Variants in EPHA3 observed in about 807,000 individuals in gnomAD.
The protein encoded by EPHA3 is ephrin type-A receptor 3.
A neutral mutation model predicts 107.1 loss-of-function variants in EPHA3; 42 were observed. The ratio of observed to expected loss-of-function variants is 0.39; its 90% CI spans 0.31 to 0.51. EPHA3 has a LOEUF of 0.51. Ranked by LOEUF, EPHA3 falls within the 20% of genes least tolerant of loss-of-function variation. EPHA3 has a pLI of 0.78. For synonymous variants in EPHA3, 461 were observed against 424.8 expected (o/e 1.09, Z -1.05); for missense variants, 1,183 against 1,211.2 (o/e 0.98, Z 0.35).
At chr3:89,136,330 CTTT>C (rs67054298) in intron 2 of EPHA3, among the ~76,000 whole-genome samples, 55 of 23,370 alleles carry the variant, frequency 2.4e-3, no homozygotes, top group African/African-American at 6.8e-3. Context: ...ATCTTACAGG[CTTT>C]TTTTTTTTTT....
intron 5 of EPHA3, among the ~76,000 whole-genome samples, chr3:89,344,973 G>A (rs1041293226): frequency 4.0e-5 from 6 of 151,236 alleles, no homozygotes; most frequent in African/African-American, 1.5e-4. Flanking sequence ...GTCAAGTAAA[G>A]AAAGAATTGC....
intron 16 of EPHA3, among the ~76,000 whole-genome samples, chr3:89,473,317 G>T (rs1309947332): frequency 6.6e-6 from 1 of 152,084 alleles, no homozygotes; most frequent in Non-Finnish European, 1.5e-5. Context: ...GCTGTATTTT[G>T]TGGACAATCA....
chr3:89,116,719 TAAAAAAAAAAA>T (rs140739470), intron 1 of EPHA3, among the ~76,000 whole-genome samples: 1 of 132,570 alleles, frequency 7.5e-6, no homozygotes, highest in Non-Finnish European at 1.6e-5. Context: ...ACTGTAACAT[TAAAAAAAAAAA>T]AAAAAAAAAA....
intron 1 of EPHA3, among the ~76,000 whole-genome samples, chr3:89,120,086 G>C (rs1197839867): frequency 6.6e-6 from 1 of 152,038 alleles, no homozygotes; most frequent in Non-Finnish European, 1.5e-5. Flanking sequence ...TGATTTTATG[G>C]GGTGAAGGCA....
chr3:89,200,913 G>T (rs190734234), intron 2 of EPHA3, among the ~76,000 whole-genome samples: 13 of 152,194 alleles, frequency 8.5e-5, no homozygotes, highest in African/African-American at 3.1e-4. Flanking sequence ...TCCTGTCCAG[G>T]GCTGGCTCCT....
intron 3 of EPHA3, among the ~76,000 whole-genome samples, chr3:89,304,555 CT>C (rs1706566945): frequency 2.0e-5 from 3 of 152,124 alleles, no homozygotes; most frequent in Non-Finnish European, 4.4e-5. Flanking sequence ...CAGGAACAGT[CT>C]TTTCCAGGTG....
In EPHA3 at chr3:89,341,832, G is replaced by A; in HGVS notation, c.1048G>A (p.Asp350Asn). ...TATCCTGGACTGGAGTTGGCCCCTG[G>A]ACACAGGAGGCCGGAAAGATGTTAC... ...SVILDWSWPLDTGGRKDVTFN... is the reference protein window; with the variant it reads ...SVILDWSWPLNTGGRKDVTFN... Residue 350 changes from aspartate (D) to asparagine (N), a missense_variant, in exon 5 of 17, where the codon GAC (aspartate) becomes AAC (asparagine). Physicochemically the swap from Asp to Asn is conservative, Grantham distance 23. Transcript: ENST00000336596. The A allele has an allele frequency of 6.2e-7, 1 of 1,613,868 alleles. No homozygotes were observed. Among genetic ancestry groups the A allele is most frequent in the Non-Finnish European group, 8.5e-7 (1 of 1,179,974 alleles).
chr3:89,374,929 T>A (rs1048772253), intron 5 of EPHA3, among the ~76,000 whole-genome samples: 7 of 151,780 alleles, frequency 4.6e-5, no homozygotes, highest in African/African-American at 1.7e-4. Context: ...CCACAAACTA[T>A]CCTTCATTCC....
At chr3:89,237,965 T>A (rs1704811959) in intron 3 of EPHA3, among the ~76,000 whole-genome samples, 1 of 149,970 alleles carries the variant, frequency 6.7e-6, no homozygotes, top group South Asian at 2.1e-4. Context: ...GGCTACAGAG[T>A]GAGACCATGT....
intron 3 of EPHA3, among the ~76,000 whole-genome samples, chr3:89,239,562 G>A (rs1704846766): frequency 6.6e-6 from 1 of 152,070 alleles, no homozygotes; most frequent in Non-Finnish European, 1.5e-5. Flanking sequence ...ATTAAGTTTT[G>A]AATGAAGTAA....
chr3:89,182,536 G>T (rs1484743384), intron 2 of EPHA3, among the ~76,000 whole-genome samples: 18 of 151,806 alleles, frequency 1.2e-4, no homozygotes. Flanking sequence ...TTTACAAAAG[G>T]TATGCCTTAC....
intron 3 of EPHA3, 95 bp downstream of exon 3, chr3:89,210,615 T>G: frequency 7.4e-7 from 1 of 1,356,474 alleles, no homozygotes; most frequent in South Asian, 1.5e-5. Context: ...TCAACTCACT[T>G]GGCAGGAAAA....
chr3:89,204,729 C>G (rs1706059961), intron 2 of EPHA3, among the ~76,000 whole-genome samples: 1 of 151,654 alleles, frequency 6.6e-6, no homozygotes, highest in Non-Finnish European at 1.5e-5. Flanking sequence ...TGACACTTGA[C>G]AGTGACAGCC....
chr3:89,119,183 C>A (rs145268485), intron 1 of EPHA3, among the ~76,000 whole-genome samples: 1 of 151,934 alleles, frequency 6.6e-6, no homozygotes, highest in African/African-American at 2.4e-5. Context: ...AAGCACATAC[C>A]GAAGCTAACA....
chr3:89,251,999 A>G (rs2107264620), intron 3 of EPHA3, among the ~76,000 whole-genome samples: 1 of 152,306 alleles, frequency 6.6e-6, no homozygotes, highest in South Asian at 2.1e-4. Context: ...GGTATATACA[A>G]CCTAAGAGAA....
intron 14 of EPHA3, 89 bp downstream of exon 14, chr3:89,449,463 T>C: frequency 8.3e-7 from 1 of 1,201,520 alleles, no homozygotes; most frequent in Non-Finnish European, 1.1e-6. Flanking sequence ...GGGTGGCTCC[T>C]GGTTTATAAC....
intron 16 of EPHA3, among the ~76,000 whole-genome samples, chr3:89,476,606 TTTATTTATTTA>T (rs1348476498): frequency 3.7e-5 from 5 of 133,646 alleles, no homozygotes; most frequent in African/African-American, 7.8e-5. Context: ...TATTTATTTA[TTTATTTATTTA>T]ATTTTTTTGA....
chr3:89,284,624 A>G lies in EPHA3; in HGVS notation c.815-56292A>G, dbSNP rs142779531. ...ATATTTTAAAACAAAATAAAATTAT[A>G]TTATTTCCCGTAATCTATGCCTCCA... On this transcript the variant is annotated intron_variant, in intron 3 of 16. Transcript: ENST00000336596. Among the ~76,000 whole-genome samples, 24 of 152,268 alleles carry G rather than the reference A, an allele frequency of 1.6e-4. No homozygotes were observed. The East Asian group carries it at 4.6e-3, about 29-fold the overall frequency.
At chr3:89,147,001 C>A (rs1221949143) in intron 2 of EPHA3, among the ~76,000 whole-genome samples, 1 of 151,832 alleles carries the variant, frequency 6.6e-6, no homozygotes, top group Non-Finnish European at 1.5e-5. Context: ...GAATACCATG[C>A]AGCCATAGAA....
Sources: allele counts gnomAD v4.1 joint callset (sites outside exome capture counted in the v4.1 genomes callset), GRCh38; gene constraint gnomAD v4.1.1; transcripts MANE v1.5; gene names NCBI Gene and HGNC (gene_info 2026-07-23, HGNC 2026-07-21).